The following TTC32 variants were observed in gnomAD, a reference collection of about 807,000 sequenced individuals.
TTC32 encodes the protein tetratricopeptide repeat domain 32.
In TTC32, 16 loss-of-function variants were observed where a neutral mutation model predicts 15.3. That is an observed-to-expected ratio of 1.05 (90% CI 0.71 to 1.59). TTC32 has a LOEUF of 1.59. TTC32 is among the 40% of genes most tolerant of loss of function. TTC32 has a pLI of 0.00. For synonymous variants in TTC32, 89 were observed against 67.8 expected (o/e 1.31, Z -1.53); for missense variants, 188 against 181.9 (o/e 1.03, Z -0.19).
intron 1 of TTC32, among the ~76,000 whole-genome samples, chr2:19,900,051 T>C (rs1340222502): frequency 6.6e-6 from 1 of 152,214 alleles, no homozygotes; most frequent in Non-Finnish European, 1.5e-5. Flanking sequence ...TCAGGCATGA[T>C]GAACTCCCTT....
At chr2:19,898,068 TG>T in intron 1 of TTC32, 33 bp from the exon 2 acceptor site, 1 of 1,456,688 alleles carries the variant, frequency 6.9e-7, no homozygotes, top group Non-Finnish European at 9.2e-7. Flanking sequence ...AAAAACACCG[TG>T]TTACCAAATT....
At chr2:19,899,287 TTC>T (rs1323961500) in intron 1 of TTC32, among the ~76,000 whole-genome samples, 1 of 152,216 alleles carries the variant, frequency 6.6e-6, no homozygotes, top group East Asian at 1.9e-4. Context: ...ACCACTCCCC[TTC>T]ACCTATGTGT....
At position 19,900,725 on chromosome 2, in the gene TTC32, G is replaced by C. The variant is rs113279194; in HGVS notation, c.149+981C>G. Among the ~76,000 whole-genome samples, 496 of 152,296 alleles carry C rather than the reference G, an allele frequency of 3.3e-3. 5 individuals carry two copies. Among genetic ancestry groups the C allele is most frequent in the African/African-American group, 0.011 (476 of 41,568 alleles). ...ATCACAAAGAGAAAGTCAGCGAATC[G>C]TTATGTGCTTCCTGGTGAAAGTACA... On this transcript the variant is annotated intron_variant, in intron 1 of 2. Coordinates refer to ENST00000333610, the MANE Select transcript of TTC32 (RefSeq NM_001008237.3).
chr2:19,901,371 C>A, intron 1 of TTC32: 1 of 334,604 alleles, frequency 3.0e-6, no homozygotes, highest in South Asian at 2.7e-5. Context: ...TCCTAAGTCT[C>A]TGGGTGCGAA....
chr2:19,898,262 A>G, intron 1 of TTC32: 1 of 390,670 alleles, frequency 2.6e-6, no homozygotes, highest in Non-Finnish European at 4.6e-6. Context: ...CAACCTGAAA[A>G]GCATACTAAC....
intron 1 of TTC32, among the ~76,000 whole-genome samples, chr2:19,900,285 C>CT (rs943743197): frequency 6.6e-6 from 1 of 152,132 alleles, no homozygotes; most frequent in African/African-American, 2.4e-5. Flanking sequence ...GTTTACTTAT[C>CT]TTTTTTATGG....
At position 19,897,057 on chromosome 2, in the gene TTC32, G is replaced by A. The variant is rs148295696; in HGVS notation, c.386C>T (p.Thr129Ile). Reference sequence around the variant, plus strand: ...TAGAATAGTCTGTTTTAAGCTCAAAGTAGCATCTTGAAATCCAGGATTTAA... The same window carrying A: ...TAGAATAGTCTGTTTTAAGCTCAAAATAGCATCTTGAAATCCAGGATTTAA... Reference protein sequence around the residue: ...LDLNPGFQDATLSLKQTILDK... With the variant: ...LDLNPGFQDAILSLKQTILDK... The change falls in exon 3 of 3, where the codon ACT (threonine) becomes ATT (isoleucine). Residue 129 changes from threonine to isoleucine, a missense_variant. Coordinates refer to ENST00000333610, the MANE Select transcript of TTC32 (RefSeq NM_001008237.3). 182 of 1,608,324 alleles carry A rather than the reference G, an allele frequency of 1.1e-4. 1 individual carries two copies. The African/African-American group carries it at 2.3e-3, about 20-fold the overall frequency.
At chr2:19,901,404 G>A (rs1022639063) in intron 1 of TTC32, 1 of 374,562 alleles carries the variant, frequency 2.7e-6, no homozygotes, top group South Asian at 2.8e-5. Flanking sequence ...AAGGAGAGAC[G>A]GCGGGGTGAG....
chr2:19,896,935 C>T lies in TTC32; in HGVS notation c.*52G>A. 1 of 1,439,154 alleles carries T rather than the reference C, an allele frequency of 6.9e-7. No homozygotes were observed. The highest frequency in any genetic ancestry group is 1.4e-5 in the South Asian group (1 of 72,410). The allele number at this position is 1,439,154 out of a possible 1,614,324, so 89.1% of individuals were successfully genotyped here. A position where few individuals can be genotyped will look rare whatever the true frequency, so the allele number is the denominator to read the frequency against. On this transcript the variant is annotated 3_prime_UTR_variant, in exon 3 of 3. Transcript: ENST00000333610. The stretch of plus-strand genomic sequence containing the variant: ...AGCTCAATATCTAAATTACTGATAA[C>T]TAGATGCAGATGTAAGGATCATGAA...
chr2:19,901,301 T>TC (rs1669598911), intron 1 of TTC32: 1 of 296,442 alleles, frequency 3.4e-6, no homozygotes, highest in Non-Finnish European at 6.7e-6. Context: ...CGTGACCCCT[T>TC]CCCTTCCCAG....
chr2:19,897,284 G>A (rs1490122944), intron 2 of TTC32, among the ~76,000 whole-genome samples, 158 bp from the exon 3 acceptor site: 1 of 152,136 alleles, frequency 6.6e-6, no homozygotes, highest in Non-Finnish European at 1.5e-5. Flanking sequence ...ATATAGAGAT[G>A]TGTATATCAA....
Position 19,897,852 on chromosome 2 carries a change from A to AG in TTC32, c.316+16dup, listed in dbSNP as rs1437050167. 1.4e-6 allele frequency: 2 copies of AG among 1,476,782 alleles called. No individual in the cohort carries two copies. The highest frequency in any genetic ancestry group is 4.8e-5 in the East Asian group (2 of 41,980). The allele number at this position is 1,476,782 out of a possible 1,614,324, so 91.5% of individuals were successfully genotyped here. ...ATACAGTCAATGACAAAACTCAAAAAGAAAAAAAATTCTTACCCAGCCTAT... is the reference window on the plus strand; with the variant it reads ...ATACAGTCAATGACAAAACTCAAAAAGGAAAAAAAATTCTTACCCAGCCTAT... On this transcript the variant is annotated intron_variant, in intron 2 of 2. Transcript: ENST00000333610.
chr2:19,899,915 G>T (rs1669574059), intron 1 of TTC32, among the ~76,000 whole-genome samples: 1 of 152,078 alleles, frequency 6.6e-6, no homozygotes, highest in African/African-American at 2.4e-5. Context: ...TAAATTGAAG[G>T]GAAAAAGTTG....
chr2:19,901,340 CG>C (rs1669599355), intron 1 of TTC32: 2 of 310,040 alleles, frequency 6.5e-6, no homozygotes, highest in Non-Finnish European at 1.3e-5. Flanking sequence ...GCTAAAATCA[CG>C]AGTGGAAAAT....
chr2:19,897,139 C>A lies in TTC32; in HGVS notation c.317-13G>T. The stretch of plus-strand genomic sequence containing the variant: ...TCATCAAAATATCCTGTACCAGAAC[C>A]CAAAAAATGGAAAAGAGAAAAGAAA... On this transcript the variant is annotated splice_polypyrimidine_tract_variant and intron_variant, in intron 2 of 2. Transcript: ENST00000333610. The A allele has an allele frequency of 6.4e-7, 1 of 1,571,574 alleles. No individual in the cohort carries two copies. Among genetic ancestry groups the A allele is most frequent in the Non-Finnish European group, 8.6e-7 (1 of 1,167,578 alleles).
chr2:19,901,102 G>T, intron 1 of TTC32: 1 of 471,118 alleles, frequency 2.1e-6, no homozygotes, highest in South Asian at 1.5e-5. Flanking sequence ...TGACATGGTG[G>T]TTCCTTCTGA....
intron 1 of TTC32, chr2:19,901,271 G>A: frequency 3.1e-6 from 1 of 324,028 alleles, no homozygotes; most frequent in Non-Finnish European, 6.1e-6. Context: ...GGGAGTCGCG[G>A]TACTGTGGCC....
intron 1 of TTC32, among the ~76,000 whole-genome samples, chr2:19,900,503 A>G (rs924893360): frequency 6.6e-6 from 1 of 152,186 alleles, no homozygotes; most frequent in African/African-American, 2.4e-5. Flanking sequence ...AGAAAACTCA[A>G]ATCCACAACA....
intron 1 of TTC32, chr2:19,901,379 G>T (rs1669599971): frequency 3.0e-6 from 1 of 333,720 alleles, no homozygotes; most frequent in Non-Finnish European, 5.7e-6. Flanking sequence ...CTCTGGGTGC[G>T]AATGAGGAAC....
Sources: allele counts gnomAD v4.1 joint callset (sites outside exome capture counted in the v4.1 genomes callset), GRCh38; gene constraint gnomAD v4.1.1; transcripts MANE v1.5; gene names NCBI Gene and HGNC (gene_info 2026-07-23, HGNC 2026-07-21).